Variants in ACSS1 observed in about 807,000 individuals in gnomAD.
The protein encoded by ACSS1 is acyl-CoA synthetase short chain family member 1, also known as acetyl-coenzyme A synthetase 2-like, mitochondrial.
A neutral mutation model predicts 75.3 loss-of-function variants in ACSS1; 42 were observed. The ratio of observed to expected loss-of-function variants is 0.56; its 90% CI spans 0.44 to 0.72. The LOEUF (loss-of-function observed/expected upper bound fraction) is 0.72, where lower values mean the gene tolerates loss of function less well. Ranked by LOEUF, ACSS1 falls within the 30% of genes least tolerant of loss-of-function variation. The probability of loss-of-function intolerance (pLI) is 0.00; values close to 1 mark genes in which losing one functional copy is unlikely to be tolerated. For missense variants in ACSS1, 782 were observed against 935.7 expected (o/e 0.84, Z 2.14); for synonymous variants, 380 against 376.8 (o/e 1.01, Z -0.10).
intron 12 of ACSS1, chr20:25,011,649 C>T (rs939273794): frequency 6.6e-6 from 1 of 152,354 alleles, no homozygotes; most frequent in African/African-American, 2.4e-5. Context: ...CTCTCTCCCA[C>T]ATCCCAGCCT....
At chr20:25,049,981 C>T (rs546953630) in intron 1 of ACSS1, among the ~76,000 whole-genome samples, 18 of 152,116 alleles carry the variant, frequency 1.2e-4, no homozygotes, top group Admixed American at 5.2e-4. Flanking sequence ...GTCTTACAGA[C>T]GGAAGACAGA....
At chr20:25,021,778 C>A (rs533226147) in intron 5 of ACSS1, among the ~76,000 whole-genome samples, 4 of 152,258 alleles carry the variant, frequency 2.6e-5, no homozygotes, top group African/African-American at 9.6e-5. Context: ...CCCTTAAGAA[C>A]TACAAAAAAT....
At position 25,021,495 on chromosome 20, in the gene ACSS1, C is replaced by G. The variant is rs2088624706; in HGVS notation, c.1002G>C (p.Val334=). ...DHQPGDIFGC[V]ADIGWITGHS... is the part of the protein sequence containing the mutation. ...GTCCTGTAATCCAACCGATGTCGGC[C>G]ACACAGCCAAAGATGTCACCTGGCT... The change falls in exon 6 of 14, where the codon GTG becomes GTC. Residue 334 remains valine (V), a synonymous_variant. Transcript: ENST00000323482. 6.2e-7 allele frequency: 1 copy of G among 1,614,122 alleles called. No homozygotes were observed. Among genetic ancestry groups the G allele is most frequent in the South Asian group, 1.1e-5 (1 of 91,084 alleles).
At position 25,007,414 on chromosome 20, in the gene ACSS1, G is replaced by A. The variant is rs2088327443; in HGVS notation, c.*348C>T. On this transcript the variant is annotated 3_prime_UTR_variant, in exon 14 of 14. Transcript: ENST00000323482. Reference sequence around the variant, plus strand: ...CGGTTGCTACTAGCTAACTAGCTCTGTGTTATCTGAGCAGGCGCGCTATCC... The same window carrying A: ...CGGTTGCTACTAGCTAACTAGCTCTATGTTATCTGAGCAGGCGCGCTATCC... The A allele has an allele frequency of 1.8e-6, 2 of 1,141,104 alleles. No individual in the cohort carries two copies. Among genetic ancestry groups the A allele is most frequent in the Non-Finnish European group, 2.2e-6 (2 of 926,900 alleles). The allele number at this position is 1,141,104 out of a possible 1,614,324, so 70.7% of individuals were successfully genotyped here.
At chr20:25,018,128 A>G (rs548979059) in intron 7 of ACSS1, among the ~76,000 whole-genome samples, 1 of 152,372 alleles carries the variant, frequency 6.6e-6, no homozygotes, top group East Asian at 1.9e-4. Flanking sequence ...CCATTGTAAC[A>G]GTATTAAGAG....
At chr20:25,030,667 C>T in intron 3 of ACSS1, 92 bp downstream of exon 3, 1 of 1,385,698 alleles carries the variant, frequency 7.2e-7, no homozygotes, top group Non-Finnish European at 1.0e-6. Flanking sequence ...TTAATGTCTG[C>T]ACTCTGATGG....
At chr20:25,018,259 C>T (rs2088554834) in intron 7 of ACSS1, among the ~76,000 whole-genome samples, 1 of 152,184 alleles carries the variant, frequency 6.6e-6, no homozygotes, top group South Asian at 2.1e-4. Context: ...TTTGCCCTTC[C>T]ACCATGGGAC....
Position 25,016,544 on chromosome 20 carries a change from T to C in ACSS1, c.1247-1314A>G, listed in dbSNP as rs80079272. Among the ~76,000 whole-genome samples, 657 of 152,310 alleles carry C rather than the reference T, an allele frequency of 4.3e-3. 7 individuals are homozygous for C. Among genetic ancestry groups the C allele is most frequent in the African/African-American group, 0.015 (623 of 41,566 alleles). ...TACTCTCGTGCTGGTGGTTGCCTCT[T>C]GCTCAGGACCACTCACAACCCACAG... On this transcript the variant is annotated intron_variant, in intron 7 of 13. Transcript: ENST00000323482.
At chr20:25,034,574 CT>C (rs536122557) in intron 2 of ACSS1, among the ~76,000 whole-genome samples, 65 of 147,014 alleles carry the variant, frequency 4.4e-4, no homozygotes, top group Middle Eastern at 3.5e-3. Flanking sequence ...TATATTTAAC[CT>C]TTTTTTTTTT....
In ACSS1 at chr20:25,020,156, A is replaced by C. The variant is rs373682086; in HGVS notation, c.1109-9T>G. The C allele has an allele frequency of 6.3e-5, 102 of 1,613,966 alleles. No homozygotes were observed. In the African/African-American group the frequency reaches 1.3e-3, roughly 20 times the overall value. ...TGTCTCCCAGTACCGACCTACAGAA[A>C]GGCCGAAATTCACTGTCAGCAGGAG... On this transcript the variant is annotated splice_polypyrimidine_tract_variant and intron_variant, in intron 6 of 13. Coordinates refer to ENST00000323482, the MANE Select transcript of ACSS1 (RefSeq NM_032501.4).
At chr20:25,027,526 A>G (rs1452332576) in intron 3 of ACSS1, among the ~76,000 whole-genome samples, 1 of 152,198 alleles carries the variant, frequency 6.6e-6, no homozygotes, top group African/African-American at 2.4e-5. Flanking sequence ...TACTACAATG[A>G]AGGAAAAAAC....
At chr20:25,055,441 G>C (rs955637141) in intron 1 of ACSS1, among the ~76,000 whole-genome samples, 7 of 152,156 alleles carry the variant, frequency 4.6e-5, no homozygotes, top group Non-Finnish European at 1.0e-4. Context: ...CCCATCATTT[G>C]CTTGCTGTTT....
At chr20:25,032,653 C>T (rs1336656842) in intron 2 of ACSS1, 7 of 1,220,818 alleles carry the variant, frequency 5.7e-6, no homozygotes, top group South Asian at 4.2e-5. Context: ...CAAGGCCGCT[C>T]GCAGCGTGTT....
At chr20:25,029,562 T>C (rs1245630612) in intron 3 of ACSS1, among the ~76,000 whole-genome samples, 2 of 152,176 alleles carry the variant, frequency 1.3e-5, no homozygotes, top group Non-Finnish European at 2.9e-5. Flanking sequence ...TACATGAACA[T>C]TCATAACAGC....
At chr20:25,048,452 T>A (rs1345029137) in intron 1 of ACSS1, among the ~76,000 whole-genome samples, 2 of 152,184 alleles carry the variant, frequency 1.3e-5, no homozygotes, top group Non-Finnish European at 2.9e-5. Context: ...TATTGGCATC[T>A]CCTGGGCCAC....
intron 12 of ACSS1, 53 bp from the exon 13 acceptor site, chr20:25,009,441 C>T: frequency 6.8e-7 from 1 of 1,463,172 alleles, no homozygotes; most frequent in Non-Finnish European, 9.6e-7. Context: ...AAGGAGCCAA[C>T]TCCCGAGGCA....
intron 2 of ACSS1, among the ~76,000 whole-genome samples, chr20:25,043,398 G>C (rs1482511827): frequency 1.3e-5 from 2 of 152,204 alleles, no homozygotes; most frequent in African/African-American, 4.8e-5. Context: ...ACCACAGCTG[G>C]AGTGTGTGGC....
At chr20:25,041,291 G>C (rs900666720) in intron 2 of ACSS1, among the ~76,000 whole-genome samples, 5 of 151,892 alleles carry the variant, frequency 3.3e-5, no homozygotes, top group Admixed American at 3.3e-4. Flanking sequence ...TAATTTGGAA[G>C]GAAGGTGAGA....
At position 25,036,989 on chromosome 20, in the gene ACSS1, GAAA is replaced by G. The variant is rs1284614280; in HGVS notation, c.432-6034_432-6032del. On this transcript the variant is annotated intron_variant, in intron 2 of 13. Transcript: ENST00000323482. Reference sequence around the variant, plus strand: ...AAGAAGAAGAAGAAAGAAAGAAAAAGAAAGAAAGAAGAAAGAAAGGAAGGAAGG... The same window carrying G: ...AAGAAGAAGAAGAAAGAAAGAAAAAGGAAAGAAGAAAGAAAGGAAGGAAGG... Among the ~76,000 whole-genome samples the G allele has an allele frequency of 5.9e-4, 70 of 119,018 alleles. 1 individual carries two copies. The highest frequency in any genetic ancestry group is 2.0e-3 in the African/African-American group (66 of 32,510). The allele number at this position is 119,018 out of a possible 152,430, so 78.1% of individuals were successfully genotyped here. A position where few individuals can be genotyped will look rare whatever the true frequency, so the allele number is the denominator to read the frequency against.
Sources: gnomAD v4.1 joint callset for allele counts (sites outside exome capture counted in the v4.1 genomes callset) on GRCh38, gnomAD v4.1.1 for gene constraint, MANE v1.5 for transcripts, NCBI Gene and HGNC (gene_info 2026-07-23, HGNC 2026-07-21) for gene names.